MSANTD4: variants seen among roughly 807,000 people sequenced by gnomAD.
The protein encoded by MSANTD4 is Myb/SANT DNA binding domain containing 4 with coiled-coils, also known as myb/SANT-like DNA-binding domain-containing protein 4.
In MSANTD4, 13 loss-of-function variants were observed where a neutral mutation model predicts 34.3. The observed-to-expected ratio is 0.38, with a 90% CI of 0.25 to 0.60. The LOEUF (loss-of-function observed/expected upper bound fraction) is 0.60, where lower values mean the gene tolerates loss of function less well. MSANTD4 is among the 20% of genes least tolerant of loss of function. The pLI, the probability that MSANTD4 is intolerant of heterozygous loss-of-function variation, is 0.63. For synonymous variants in MSANTD4, 137 were observed against 145.2 expected (o/e 0.94, Z 0.41); for missense variants, 358 against 401.8 (o/e 0.89, Z 0.93).
Position 106,010,771 on chromosome 11 carries a change from T to C in MSANTD4, c.147A>G (p.Glu49=), listed in dbSNP as rs1388856079. The C allele has an allele frequency of 6.2e-7, 1 of 1,614,098 alleles. No individual in the cohort carries two copies. The highest frequency in any genetic ancestry group is 1.3e-5 in the African/African-American group (1 of 74,930). Residue 49 remains glutamate (E), a synonymous_variant, in exon 2 of 3, where the codon GAA becomes GAG. Transcript: ENST00000301919. ...CAGCATTCACACACTGTGCAATCTCTTCCCAAGCCATTCGCTTCATCACAT... is the reference window on the plus strand; with the variant it reads ...CAGCATTCACACACTGTGCAATCTCCTCCCAAGCCATTCGCTTCATCACAT... ...TINVMKRMAW[E]EIAQCVNAVG...
At chr11:106,013,853 CTT>C (rs1452096345) in intron 1 of MSANTD4, among the ~76,000 whole-genome samples, 1 of 152,188 alleles carries the variant, frequency 6.6e-6, no homozygotes, top group Non-Finnish European at 1.5e-5. Context: ...AACAGTGAGA[CTT>C]TGTCTCAAAC....
Position 106,008,876 on chromosome 11 carries a change from T to A in MSANTD4, c.*659A>T. 3 of 152,326 alleles carry A rather than the reference T, an allele frequency of 2.0e-5. No individual in the cohort carries two copies. Among genetic ancestry groups the A allele is most frequent in the Admixed American group, 2.0e-4 (3 of 15,302 alleles). The allele number at this position is 152,326 out of a possible 1,614,324, so 9.4% of individuals were successfully genotyped here. On this transcript the variant is annotated 3_prime_UTR_variant, in exon 3 of 3. Transcript: ENST00000301919. The stretch of plus-strand genomic sequence containing the variant: ...AGAAGGCTATTTATAGATGGAAACA[T>A]GGGAATAAAATACCTATAATCTTCA...
At position 106,010,002 on chromosome 11, in the gene MSANTD4, A is replaced by G; in HGVS notation, c.571T>C (p.Ser191Pro). ...PHIDEFFTLN[S>P]TPSRSAYDEP... is the part of the protein sequence containing the mutation. ...TCATATGCAGATCTAGATGGTGTTG[A>G]GTTAAGGGTAAAAAACTCATCAATG... Residue 191 changes from serine to proline, a missense_variant, in exon 3 of 3, where the codon TCA becomes CCA. Physicochemically the swap from Ser to Pro is moderately conservative, Grantham distance 74. Around this residue, in one of 2 missense-constraint regions of MSANTD4, gnomAD observed 312 missense variants for 317.6 expected, o/e 0.98. Coordinates refer to ENST00000301919, the MANE Select transcript of MSANTD4 (RefSeq NM_032424.3). 1.2e-6 allele frequency: 2 copies of G among 1,607,206 alleles called. No homozygotes were observed. The highest frequency in any genetic ancestry group is 1.7e-6 in the Non-Finnish European group (2 of 1,179,886).
intron 1 of MSANTD4, among the ~76,000 whole-genome samples, chr11:106,018,557 T>C (rs1205871681): frequency 6.6e-6 from 1 of 152,190 alleles, no homozygotes; most frequent in African/African-American, 2.4e-5. Context: ...AAGAGTTTAC[T>C]TGGTGAAATA....
chr11:106,019,034 GA>G (rs998680120), intron 1 of MSANTD4, among the ~76,000 whole-genome samples: 1 of 152,136 alleles, frequency 6.6e-6, no homozygotes, highest in Non-Finnish European at 1.5e-5. Flanking sequence ...TTGCACTTAA[GA>G]GGTAAGTTTA....
At chr11:106,018,965 G>A (rs1185606601) in intron 1 of MSANTD4, among the ~76,000 whole-genome samples, 1 of 152,170 alleles carries the variant, frequency 6.6e-6, no homozygotes, top group Admixed American at 6.5e-5. Context: ...GAATTAATTA[G>A]GACACTGTGT....
chr11:106,018,120 A>G (rs1232110550), intron 1 of MSANTD4, among the ~76,000 whole-genome samples: 1 of 152,230 alleles, frequency 6.6e-6, no homozygotes, highest in Non-Finnish European at 1.5e-5. Flanking sequence ...ATCCCAGTGA[A>G]GTAAAAATGA....
intron 1 of MSANTD4, 38 bp from the exon 2 acceptor site, chr11:106,011,105 A>G: frequency 1.0e-6 from 1 of 974,098 alleles, no homozygotes; most frequent in Non-Finnish European, 1.4e-6. Flanking sequence ...ATCAATCTGC[A>G]ACTTCTACAA....
Position 106,010,875 on chromosome 11 carries a change from G to T in MSANTD4, c.43C>A (p.Gln15Lys). 1.2e-6 allele frequency: 2 copies of T among 1,608,934 alleles called. No homozygotes were observed. The highest frequency in any genetic ancestry group is 2.2e-5 in the South Asian group (2 of 89,788). The change falls in exon 2 of 3, where the codon CAA becomes AAA. Residue 15 changes from glutamine to lysine, a missense_variant. Coordinates refer to ENST00000301919, the MANE Select transcript of MSANTD4 (RefSeq NM_032424.3). ...KRKRKSNFSV[Q>K]ETQTLLKEIT... is the part of the protein sequence containing the mutation. ...TCTTTCAAAAGGGTCTGAGTTTCTT[G>T]AACACTAAAATTGCTTTTCCTTTTT... is the stretch of plus-strand genomic sequence containing the variant.
At position 106,010,795 on chromosome 11, in the gene MSANTD4, A is replaced by T. The variant is rs747973589; in HGVS notation, c.123T>A (p.Asn41Lys). ...CTTCCCAAGCCATTCGCTTCATCAC[A>T]TTAATTGTTGTATTGAGCTGCTTGG... ...IFSKQLNTTINVMKRMAWEEI... is the reference protein window; with the variant it reads ...IFSKQLNTTIKVMKRMAWEEI... The change falls in exon 2 of 3, where the codon AAT (asparagine) becomes AAA (lysine). Residue 41 changes from asparagine to lysine, a missense_variant. Transcript: ENST00000301919. 1 of 1,614,012 alleles carries T rather than the reference A, an allele frequency of 6.2e-7. No individual in the cohort carries two copies. Among genetic ancestry groups the T allele is most frequent in the East Asian group, 2.2e-5 (1 of 44,892 alleles).
chr11:106,009,461 A>G lies in MSANTD4; in HGVS notation c.*74T>C. 1 of 1,391,942 alleles carries G rather than the reference A, an allele frequency of 7.2e-7. No individual in the cohort carries two copies. Among genetic ancestry groups the G allele is most frequent in the Non-Finnish European group, 9.8e-7 (1 of 1,022,472 alleles). 86.2% of individuals were successfully genotyped at this position (1,391,942 alleles called of 1,614,324 possible). A position where few individuals can be genotyped will look rare whatever the true frequency, so the allele number is the denominator to read the frequency against. On this transcript the variant is annotated 3_prime_UTR_variant, in exon 3 of 3. Transcript: ENST00000301919. The stretch of plus-strand genomic sequence containing the variant: ...GACAAGAAACCACAGCTAATCCAGC[A>G]ACCATCATTATATCACCTGATATGA...
rs1394452700 is a variant in MSANTD4 at position 106,009,786 on chromosome 11, T to G, written c.787A>C (p.Lys263Gln). The change falls in exon 3 of 3, where the codon AAG (lysine) becomes CAG (glutamine). Residue 263 changes from lysine to glutamine, a missense_variant. Lys to Gln is a moderately conservative substitution (Grantham distance 53). Around this residue, in one of 2 missense-constraint regions of MSANTD4, gnomAD observed 312 missense variants for 317.6 expected, o/e 0.98. Transcript: ENST00000301919. ...EKERLQIERE[K>Q]LRLQIVNSEK... is the part of the protein sequence containing the mutation. ...GAATTGACTATCTGTAACCTCAACT[T>G]TTCTCTTTCAATCTGCAGCCGCTCC... 1 of 1,614,186 alleles carries G rather than the reference T, an allele frequency of 6.2e-7. No homozygotes were observed. Among genetic ancestry groups the G allele is most frequent in the East Asian group, 2.2e-5 (1 of 44,884 alleles).
At position 106,009,755 on chromosome 11, in the gene MSANTD4, T is replaced by C. The variant is rs756809046; in HGVS notation, c.818A>G (p.Lys273Arg). The C allele has an allele frequency of 3.1e-6, 5 of 1,614,220 alleles. No homozygotes were observed. In the South Asian group the frequency reaches 5.5e-5, roughly 18 times the overall value. ...ACCAAGTTCATTTTCCAAGGACGGT[T>C]TCTCTGAATTGACTATCTGTAACCT... is the stretch of plus-strand genomic sequence containing the variant. Reference protein sequence around the residue: ...KLRLQIVNSEKPSLENELGQG... With the variant: ...KLRLQIVNSERPSLENELGQG... The change falls in exon 3 of 3, where the codon AAA (lysine) becomes AGA (arginine). Residue 273 changes from lysine (K) to arginine (R), a missense_variant. Lys to Arg is a conservative substitution (Grantham distance 26). Coordinates refer to ENST00000301919, the MANE Select transcript of MSANTD4 (RefSeq NM_032424.3).
rs1159186589 is a variant in MSANTD4 at position 106,021,026 on chromosome 11, A to G, written c.-215T>C. Reference sequence around the variant, plus strand: ...CCTCTCCTTTATATGCCGGTATCCAAGTAACAGAAGCTTGGGTTTTCTACC... The same window carrying G: ...CCTCTCCTTTATATGCCGGTATCCAGGTAACAGAAGCTTGGGTTTTCTACC... On this transcript the variant is annotated 5_prime_UTR_variant, in exon 1 of 3. Transcript: ENST00000301919. The G allele has an allele frequency of 6.6e-6, 1 of 152,192 alleles. No individual in the cohort carries two copies. Among genetic ancestry groups the G allele is most frequent in the Non-Finnish European group, 1.5e-5 (1 of 68,036 alleles). The allele number at this position is 152,192 out of a possible 1,614,324, so 9.4% of individuals were successfully genotyped here.
At chr11:106,012,442 G>A (rs1356149540) in intron 1 of MSANTD4, among the ~76,000 whole-genome samples, 1 of 152,168 alleles carries the variant, frequency 6.6e-6, no homozygotes, top group African/African-American at 2.4e-5. Context: ...TAATTGTAGA[G>A]TTGAAGAGCA....
At chr11:106,012,891 G>A (rs1859737111) in intron 1 of MSANTD4, among the ~76,000 whole-genome samples, 1 of 152,124 alleles carries the variant, frequency 6.6e-6, no homozygotes, top group Non-Finnish European at 1.5e-5. Context: ...AATGGATTGG[G>A]GAAGTGTAGT....
At chr11:106,014,848 G>A (rs1859801145) in intron 1 of MSANTD4, among the ~76,000 whole-genome samples, 1 of 152,016 alleles carries the variant, frequency 6.6e-6, no homozygotes, top group Non-Finnish European at 1.5e-5. Context: ...CTGAAATAGA[G>A]GTCAGAAAAC....
At chr11:106,020,189 A>G (rs941177265) in intron 1 of MSANTD4, among the ~76,000 whole-genome samples, 1 of 152,238 alleles carries the variant, frequency 6.6e-6, no homozygotes, top group Non-Finnish European at 1.5e-5. Flanking sequence ...GGGATCAAGG[A>G]ATGTTTTGAG....
Position 106,009,598 on chromosome 11 carries a change from T to C in MSANTD4, c.975A>G (p.Glu325=), listed in dbSNP as rs755763974. Residue 325 remains glutamate (E), a synonymous_variant, in exon 3 of 3, where the codon GAA becomes GAG. Transcript: ENST00000301919. ...LKFESEKLQI[E]KERLQVEKDR... is the part of the protein sequence containing the mutation. ...CTTTCTCTACCTGTAAGCGTTCCTT[T>C]TCAATCTGCAGCTTCTCAGATTCAA... 5.0e-6 allele frequency: 8 copies of C among 1,614,008 alleles called. No homozygotes were observed. The highest frequency in any genetic ancestry group is 6.8e-6 in the Non-Finnish European group (8 of 1,180,020).
Sources: gnomAD v4.1 joint callset for allele counts (sites outside exome capture counted in the v4.1 genomes callset) on GRCh38, gnomAD v4.1.1 for gene constraint, gnomAD v4.1.1 regional missense constraint, MANE v1.5 for transcripts, NCBI Gene and HGNC (gene_info 2026-07-23, HGNC 2026-07-21) for gene names.